DEF8: variants seen among roughly 807,000 people sequenced by gnomAD.
DEF8 encodes the protein DEF-8.
Under a neutral mutation model 59.1 loss-of-function variants are expected in DEF8, and 38 were observed. The ratio of observed to expected loss-of-function variants is 0.64; its 90% confidence interval spans 0.50 to 0.84. The LOEUF is 0.84. DEF8 is among the 40% of genes least tolerant of loss of function. DEF8 has a pLI of 0.00. For missense variants in DEF8, 557 were observed against 615.2 expected (o/e 0.91, Z 1.00); for synonymous variants, 265 against 250.1 (o/e 1.06, Z -0.56).
chr16:89,951,591 A>G (rs922296665), intron 2 of DEF8, among the ~76,000 whole-genome samples: 4 of 152,092 alleles, frequency 2.6e-5, no homozygotes, highest in African/African-American at 9.7e-5. Context: ...AACCTCCCCT[A>G]TAACACTGGT....
At chr16:89,961,935 T>C in intron 8 of DEF8, 71 bp downstream of exon 8, 1 of 1,603,884 alleles carries the variant, frequency 6.2e-7, no homozygotes, top group Non-Finnish European at 8.5e-7. Flanking sequence ...GTGGAGCCGG[T>C]GTACCCCTGG....
intron 4 of DEF8, chr16:89,956,671 A>G (rs1279682397): frequency 6.9e-6 from 1 of 145,396 alleles, no homozygotes; most frequent in East Asian, 2.0e-4. Context: ...ATGCTCAGAT[A>G]ATTTTTCATT....
intron 4 of DEF8, among the ~76,000 whole-genome samples, chr16:89,957,041 CT>C (rs1567793402): frequency 1.3e-5 from 2 of 152,190 alleles, no homozygotes; most frequent in African/African-American, 4.8e-5. Context: ...CGTGAGCCCC[CT>C]GGTCGCTATG....
intron 5 of DEF8, 101 bp downstream of exon 5, chr16:89,957,761 G>T (rs868039790): frequency 7.2e-7 from 1 of 1,386,132 alleles, no homozygotes; most frequent in Non-Finnish European, 9.6e-7. Context: ...TCAGGCGGTG[G>T]TCTCTCTCTC....
At chr16:89,955,798 C>T (rs543809698) in intron 4 of DEF8, among the ~76,000 whole-genome samples, 1 of 152,276 alleles carries the variant, frequency 6.6e-6, no homozygotes, top group East Asian at 1.9e-4. Context: ...TGAGGCCGGG[C>T]GCGGTGGCTC....
chr16:89,958,986 G>T, intron 5 of DEF8, 28 bp from the exon 6 acceptor site: 1 of 1,605,524 alleles, frequency 6.2e-7, no homozygotes, highest in South Asian at 1.1e-5. Flanking sequence ...GCTCACCTGT[G>T]ACCCCCTCCC....
rs562072698 is a variant in DEF8 at position 89,964,409 on chromosome 16, G to T, written c.1144-57G>T. 2.5e-3 allele frequency: 3,814 copies of T among 1,552,546 alleles called. 123 individuals are homozygous for T. In the South Asian group the frequency reaches 0.042, roughly 17 times the overall value. On this transcript the variant is annotated intron_variant, in intron 11 of 12. Coordinates refer to ENST00000563594, the MANE Select transcript of DEF8 (RefSeq NM_001242818.2). Reference sequence around the variant, plus strand: ...CCCAGTGTGTCCCTGGCCTCAGAGTGCCCAGAGGAGCTGGCACTGACGTGC... The same window carrying T: ...CCCAGTGTGTCCCTGGCCTCAGAGTTCCCAGAGGAGCTGGCACTGACGTGC...
intron 2 of DEF8, 92 bp downstream of exon 2, chr16:89,949,605 G>T (rs1251237041): frequency 6.2e-7 from 1 of 1,612,972 alleles, no homozygotes; most frequent in East Asian, 2.2e-5. Context: ...CCGCTTCCTG[G>T]TGGTCACGCC....
chr16:89,963,723 G>A lies in DEF8; in HGVS notation c.1002+280G>A, dbSNP rs1465041862. On this transcript the variant is annotated intron_variant, in intron 10 of 12. Transcript: ENST00000563594. ...GTTGACCACAAAACACAGTTTTCAAGGTTCATCTAATTATGTGCTCAACAG... is the reference window on the plus strand; with the variant it reads ...GTTGACCACAAAACACAGTTTTCAAAGTTCATCTAATTATGTGCTCAACAG... 10 of 529,268 alleles carry A rather than the reference G, an allele frequency of 1.9e-5. No homozygotes were observed. In the East Asian group the frequency reaches 2.9e-4, roughly 15 times the overall value. 32.8% of individuals were successfully genotyped at this position (529,268 alleles called of 1,614,324 possible). A position where few individuals can be genotyped will look rare whatever the true frequency, so the allele number is the denominator to read the frequency against.
chr16:89,964,578 G>A lies in DEF8; in HGVS notation c.1253+3G>A. 6.4e-7 allele frequency: 1 copy of A among 1,557,864 alleles called. No homozygotes were observed. The highest frequency in any genetic ancestry group is 1.2e-5 in the South Asian group (1 of 84,730). On this transcript the variant is annotated splice_donor_region_variant and intron_variant, in intron 12 of 12. Transcript: ENST00000563594. The stretch of plus-strand genomic sequence containing the variant: ...GACTGCTCCGCGGTCTTCCACAGGT[G>A]GGTGTGGCCTGGGCCCCGCACTCGG...
rs570396577 is a variant in DEF8, at chr16:89,967,814, G to T, written c.*1851G>T. ...TGGTATTTGCTGGACAAAGGGTTGG[G>T]CCCCTTTTATTTTTACCTGCCACCC... is the stretch of plus-strand genomic sequence containing the variant. On this transcript the variant is annotated 3_prime_UTR_variant, in exon 13 of 13. Transcript: ENST00000563594. 5.1e-6 allele frequency: 1 copy of T among 194,594 alleles called. No individual in the cohort carries two copies. Among genetic ancestry groups the T allele is most frequent in the East Asian group, 1.2e-4 (1 of 8,314 alleles). 12.1% of individuals were successfully genotyped at this position (194,594 alleles called of 1,614,324 possible).
At position 89,963,656 on chromosome 16, in the gene DEF8, G is replaced by A; in HGVS notation, c.1002+213G>A. ...TTGGCAAACCCTGCAGCCCTTATGT[G>A]AATCTCCATGGGGTGGGTCCAGCCC... is the stretch of plus-strand genomic sequence containing the variant. On this transcript the variant is annotated intron_variant, in intron 10 of 12. Coordinates refer to ENST00000563594, the MANE Select transcript of DEF8 (RefSeq NM_001242818.2). 3 of 571,576 alleles carry A rather than the reference G, an allele frequency of 5.2e-6. No individual in the cohort carries two copies. In the South Asian group the frequency reaches 6.4e-5, roughly 12 times the overall value. 35.4% of individuals were successfully genotyped at this position (571,576 alleles called of 1,614,324 possible). A position where few individuals can be genotyped will look rare whatever the true frequency, so the allele number is the denominator to read the frequency against.
At chr16:89,963,897 T>G in intron 10 of DEF8, 1 of 538,632 alleles carries the variant, frequency 1.9e-6, no homozygotes, top group Non-Finnish European at 3.4e-6. Context: ...GTGGGGAATG[T>G]GGGAAGCGTG....
intron 5 of DEF8, 45 bp from the exon 6 acceptor site, chr16:89,958,969 C>T (rs766874102): frequency 1.3e-6 from 2 of 1,598,228 alleles, no homozygotes; most frequent in Admixed American, 1.7e-5. Flanking sequence ...AAAGGAACTT[C>T]AGCCCAGCTC....
At chr16:89,953,761 G>T (rs1304754741) in intron 2 of DEF8, among the ~76,000 whole-genome samples, 1 of 152,192 alleles carries the variant, frequency 6.6e-6, no homozygotes, top group Admixed American at 6.5e-5. Flanking sequence ...GTTTCAGGGT[G>T]CTCTGACAAG....
Position 89,967,187 on chromosome 16 carries a change from C to T in DEF8, c.*1224C>T. On this transcript the variant is annotated 3_prime_UTR_variant, in exon 13 of 13. Coordinates refer to ENST00000563594, the MANE Select transcript of DEF8 (RefSeq NM_001242818.2). ...GGCAGTGGGGGTGCTCCTGTCTGTC[C>T]TTTTCCCCCACACCCTGGACTGTGC... 7.5e-6 allele frequency: 3 copies of T among 398,082 alleles called. No individual in the cohort carries two copies. The highest frequency in any genetic ancestry group is 8.8e-6 in the Non-Finnish European group (2 of 226,078). The allele number at this position is 398,082 out of a possible 1,614,324, so 24.7% of individuals were successfully genotyped here. A position where few individuals can be genotyped will look rare whatever the true frequency, so the allele number is the denominator to read the frequency against.
chr16:89,965,462 G>T (rs1482558485), intron 12 of DEF8, among the ~76,000 whole-genome samples: 6 of 152,218 alleles, frequency 3.9e-5, no homozygotes, highest in Non-Finnish European at 8.8e-5. Context: ...GTTAATTACT[G>T]CTACGTTCTG....
chr16:89,963,340 G>A (rs1284836884), intron 9 of DEF8, 23 bp from the exon 10 acceptor site: 1 of 1,610,362 alleles, frequency 6.2e-7, no homozygotes, highest in Admixed American at 1.7e-5. Context: ...GAGGAGGCCT[G>A]CCTGCTCCCG....
chr16:89,961,220 A>G, intron 7 of DEF8, 125 bp downstream of exon 7: 1 of 1,241,916 alleles, frequency 8.1e-7, no homozygotes, highest in Non-Finnish European at 1.1e-6. Flanking sequence ...CCTGCTTGAT[A>G]TCTTTAGGAA....
Sources: gnomAD v4.1 joint callset for allele counts (sites outside exome capture counted in the v4.1 genomes callset) on GRCh38, gnomAD v4.1.1 for gene constraint, MANE v1.5 for transcripts, NCBI Gene and HGNC (gene_info 2026-07-23, HGNC 2026-07-21) for gene names.